The following C2CD5 variants were observed in gnomAD, a reference collection of about 807,000 sequenced individuals.
C2CD5 encodes C2 calcium dependent domain containing 5, also known as C2 domain-containing protein 5.
C2CD5 carries 109 observed loss-of-function variants against 130.3 expected under a neutral mutation model. The ratio of observed to expected loss-of-function variants is 0.84; its 90% confidence interval spans 0.72 to 0.98. The LOEUF is 0.98. Among genes scored for constraint, C2CD5 ranks in the 50% least tolerant of loss-of-function variants. The pLI, the probability that C2CD5 is intolerant of heterozygous loss-of-function variation, is 0.00. For missense variants in C2CD5, 996 were observed against 1,261.8 expected (o/e 0.79, Z 3.19); for synonymous variants, 454 against 429.2 (o/e 1.06, Z -0.71).
chr12:22,474,554 G>C (rs1943551287), intron 16 of C2CD5, among the ~76,000 whole-genome samples, 197 bp downstream of exon 16: 1 of 152,018 alleles, frequency 6.6e-6, no homozygotes, highest in African/African-American at 2.4e-5. Context: ...CTGCATTATT[G>C]TATCAGTGAC....
intron 10 of C2CD5, chr12:22,502,610 G>T: frequency 2.0e-6 from 1 of 501,120 alleles, no homozygotes; most frequent in African/African-American, 1.9e-5. Context: ...TATTACATAC[G>T]TAGCACAGAA....
At chr12:22,465,779 T>G (rs1485060909) in intron 22 of C2CD5, among the ~76,000 whole-genome samples, 1 of 152,148 alleles carries the variant, frequency 6.6e-6, no homozygotes, top group African/African-American at 2.4e-5. Flanking sequence ...AAATTTGCTA[T>G]AGCTATCATT....
At chr12:22,514,685 G>A (rs909118936) in intron 8 of C2CD5, among the ~76,000 whole-genome samples, 1 of 151,934 alleles carries the variant, frequency 6.6e-6, no homozygotes. Flanking sequence ...AGAAAGTAAA[G>A]CATCTAAAAC....
At chr12:22,509,651 C>T (rs1209995039) in intron 9 of C2CD5, among the ~76,000 whole-genome samples, 9 of 152,316 alleles carry the variant, frequency 5.9e-5, no homozygotes, top group Non-Finnish European at 1.2e-4. Flanking sequence ...TTGTTAAGTA[C>T]CTATCATCAC....
At chr12:22,498,736 T>C (rs1947363920) in intron 10 of C2CD5, among the ~76,000 whole-genome samples, 1 of 152,170 alleles carries the variant, frequency 6.6e-6, no homozygotes, top group Admixed American at 6.5e-5. Flanking sequence ...TAAAAACCCT[T>C]TTAAAAATTT....
At chr12:22,498,974 C>T (rs977335670) in intron 10 of C2CD5, among the ~76,000 whole-genome samples, 2 of 151,852 alleles carry the variant, frequency 1.3e-5, no homozygotes, top group African/African-American at 2.4e-5. Context: ...GTAAATTATC[C>T]GCAACTATCA....
At chr12:22,458,797 T>C (rs1192575044) in intron 23 of C2CD5, 2 of 319,300 alleles carry the variant, frequency 6.3e-6, no homozygotes, top group Non-Finnish European at 1.1e-5. Flanking sequence ...AGGCTGAGCA[T>C]TTCTGGTGAT....
At chr12:22,478,899 G>A (rs1247662141) in intron 14 of C2CD5, among the ~76,000 whole-genome samples, 3 of 152,006 alleles carry the variant, frequency 2.0e-5, no homozygotes, top group Admixed American at 6.6e-5. Context: ...TGCTCATTAG[G>A]AAGAATATAA....
chr12:22,508,109 C>T (rs1192098346), intron 9 of C2CD5, among the ~76,000 whole-genome samples: 2 of 152,146 alleles, frequency 1.3e-5, no homozygotes, highest in African/African-American at 2.4e-5. Context: ...AAAGCATGAT[C>T]ACAAAGCACG....
intron 8 of C2CD5, chr12:22,515,104 G>T (rs1036247064): frequency 9.1e-6 from 9 of 985,226 alleles, no homozygotes; most frequent in Non-Finnish European, 1.1e-5. Flanking sequence ...AAGAGAGAGA[G>T]GGGGAGCTGG....
intron 11 of C2CD5, among the ~76,000 whole-genome samples, chr12:22,491,655 C>A (rs951728542): frequency 6.6e-6 from 1 of 151,956 alleles, no homozygotes; most frequent in South Asian, 2.1e-4. Flanking sequence ...GGACAGATCA[C>A]GAGGTCAGGA....
chr12:22,519,923 C>G (rs983213093), intron 7 of C2CD5, among the ~76,000 whole-genome samples: 1 of 152,092 alleles, frequency 6.6e-6, no homozygotes, highest in African/African-American at 2.4e-5. Flanking sequence ...ATGTCAATAA[C>G]TTTGGCTCTC....
chr12:22,520,726 T>G (rs1950195633), intron 7 of C2CD5, among the ~76,000 whole-genome samples: 2 of 152,166 alleles, frequency 1.3e-5, no homozygotes, highest in African/African-American at 4.8e-5. Flanking sequence ...CGTAGTACTT[T>G]TTTTAAGTAA....
intron 10 of C2CD5, among the ~76,000 whole-genome samples, chr12:22,500,141 G>A (rs576730567): frequency 1.3e-5 from 2 of 151,984 alleles, no homozygotes; most frequent in Non-Finnish European, 2.9e-5. Flanking sequence ...CTGAGATCAC[G>A]CCACTGAACT....
chr12:22,472,757 A>G lies in C2CD5; in HGVS notation c.2094T>C (p.Val698=). ...MEDVHSLLTD[V]PPPSGFYSCN... ...TTTTTTGTTCACCTGAAGGAGGAGGAACATCAGTAAGTAGAGAATGGACAT... is the reference window on the plus strand; with the variant it reads ...TTTTTTGTTCACCTGAAGGAGGAGGGACATCAGTAAGTAGAGAATGGACAT... Residue 698 remains valine (V), a synonymous_variant, in exon 17 of 27, where the codon GTT becomes GTC. Transcript: ENST00000446597. The G allele has an allele frequency of 1.3e-6, 2 of 1,571,166 alleles. No homozygotes were observed. Among genetic ancestry groups the G allele is most frequent in the Non-Finnish European group, 1.8e-6 (2 of 1,141,438 alleles).
At chr12:22,503,448 T>C (rs1249877597) in intron 10 of C2CD5, among the ~76,000 whole-genome samples, 2 of 152,182 alleles carry the variant, frequency 1.3e-5, no homozygotes, top group Non-Finnish European at 2.9e-5. Context: ...GATCAGTAAA[T>C]GTTCTCAAGA....
At position 22,478,341 on chromosome 12, in the gene C2CD5, T is replaced by C. The variant is rs889234307; in HGVS notation, c.1874A>G (p.Asn625Ser). Residue 625 changes from asparagine to serine, a missense_variant, in exon 15 of 27, where the codon AAC (asparagine) becomes AGC (serine). This residue lies in a region of C2CD5 where 590 missense variants were observed against 631.4 expected (regional missense o/e 0.93). Transcript: ENST00000446597. ...QKKINDTIAK[N>S]KELYEINPPE... The stretch of plus-strand genomic sequence containing the variant: ...AGGATTGATTTCATATAACTCTTTG[T>C]TTTTAGCAATTGTGTCATTTATCTT... The C allele has an allele frequency of 4.3e-6, 7 of 1,612,940 alleles. No homozygotes were observed. Among genetic ancestry groups the C allele is most frequent in the Non-Finnish European group, 5.9e-6 (7 of 1,179,038 alleles).
At chr12:22,540,189 T>C (rs73265591) in intron 2 of C2CD5, among the ~76,000 whole-genome samples, 3,315 of 152,298 alleles carry the variant, frequency 0.022, 114 homozygotes, top group African/African-American at 0.075. Flanking sequence ...AGATCTGAGA[T>C]GCCAAAACTA....
chr12:22,488,371 A>T (rs982893317), intron 12 of C2CD5, among the ~76,000 whole-genome samples: 1 of 151,968 alleles, frequency 6.6e-6, no homozygotes, highest in African/African-American at 2.4e-5. Flanking sequence ...AACTCTCCAA[A>T]TTTTTTCTAA....
Sources: gnomAD v4.1 joint callset for allele counts (sites outside exome capture counted in the v4.1 genomes callset) on GRCh38, gnomAD v4.1.1 for gene constraint, gnomAD v4.1.1 regional missense constraint, MANE v1.5 for transcripts, NCBI Gene and HGNC (gene_info 2026-07-23, HGNC 2026-07-21) for gene names.